Variants in DCHS1 observed in about 807,000 individuals in gnomAD.
DCHS1 encodes dachsous cadherin-related 1.
A neutral mutation model predicts 213.9 loss-of-function variants in DCHS1; 78 were observed. The observed-to-expected ratio is 0.36, with a 90% confidence interval of 0.30 to 0.44. DCHS1 has a LOEUF of 0.44. DCHS1 is among the 20% of genes least tolerant of loss of function. DCHS1 has a pLI of 1.00. For synonymous variants in DCHS1, 1,828 were observed against 1,873.7 expected (o/e 0.98, Z 0.63); for missense variants, 3,946 against 4,395.9 (o/e 0.90, Z 2.89).
At chr11:6,653,385 C>T (rs1242356139) in intron 1 of DCHS1, among the ~76,000 whole-genome samples, 2 of 152,222 alleles carry the variant, frequency 1.3e-5, no homozygotes, top group Non-Finnish European at 2.9e-5. Flanking sequence ...TGTGTTACAA[C>T]ACTCACTCCA....
At position 6,630,206 on chromosome 11, in the gene DCHS1, C is replaced by A. The variant is rs963037578; in HGVS notation, c.4588G>T (p.Val1530Phe). 2 of 1,576,986 alleles carry A rather than the reference C, an allele frequency of 1.3e-6. No homozygotes were observed. The highest frequency in any genetic ancestry group is 1.7e-6 in the Non-Finnish European group (2 of 1,162,814). The change falls in exon 10 of 21, where the codon GTT becomes TTT. Residue 1530 changes from valine to phenylalanine, a missense_variant. Coordinates refer to ENST00000299441, the MANE Select transcript of DCHS1 (RefSeq NM_003737.4). ...ANASRRRAAR[V>F]SARVFVTDEN... Reference sequence around the variant, plus strand: ...TCCGTGACGAAGACGCGCGCTGAAACGCGCGCTGCACGACGGCGGCTGGCG... The same window carrying A: ...TCCGTGACGAAGACGCGCGCTGAAAAGCGCGCTGCACGACGGCGGCTGGCG...
Position 6,647,163 on chromosome 11 carries a change from C to T in DCHS1, c.-120-5430G>A, listed in dbSNP as rs1411111291. ...CTCAGTGAGCAAAGGGGTGAGGATA[C>T]AGGGCCAGGCATAAAAGAAAGAGGA... is the stretch of plus-strand genomic sequence containing the variant. On this transcript the variant is annotated intron_variant, in intron 1 of 20. Coordinates refer to ENST00000299441, the MANE Select transcript of DCHS1 (RefSeq NM_003737.4). 2.6e-5 allele frequency among the ~76,000 whole-genome samples: 4 copies of T among 152,086 alleles called. No individual in the cohort carries two copies. In the East Asian group the frequency reaches 7.7e-4, roughly 29 times the overall value.
Position 6,630,558 on chromosome 11 carries a change from C to G in DCHS1, c.4236G>C (p.Pro1412=). The G allele has an allele frequency of 2.0e-6, 3 of 1,536,456 alleles. No homozygotes were observed. The highest frequency in any genetic ancestry group is 2.6e-6 in the Non-Finnish European group (3 of 1,148,922). The change falls in exon 10 of 21, where the codon CCG becomes CCC. Residue 1412 remains proline, a synonymous_variant. Coordinates refer to ENST00000299441, the MANE Select transcript of DCHS1 (RefSeq NM_003737.4). ...GCAGCAGCCGCGCGCCCGCGCCTCCCGGCCCCTCAGCGCGTACCGTAAGCG... is the reference window on the plus strand; with the variant it reads ...GCAGCAGCCGCGCGCCCGCGCCTCCGGGCCCCTCAGCGCGTACCGTAAGCG... ...WRALTVRAEG[P]GGAGARLLRV... is the part of the protein sequence containing the mutation.
At chr11:6,645,245 G>A (rs1378889236) in intron 1 of DCHS1, among the ~76,000 whole-genome samples, 2 of 152,210 alleles carry the variant, frequency 1.3e-5, no homozygotes, top group Non-Finnish European at 2.9e-5. Context: ...ACAGGTCAGA[G>A]GGATTCAGAA....
chr11:6,633,464 C>T lies in DCHS1; in HGVS notation c.2403G>A (p.Glu801=), dbSNP rs1364722634. Residue 801 remains glutamate, a synonymous_variant, in exon 5 of 21, where the codon GAG becomes GAA. Coordinates refer to ENST00000299441, the MANE Select transcript of DCHS1 (RefSeq NM_003737.4). ...EQLQYVFSVP[E]DVAPGTSVGI... ...CCACACTGGTGCCTGGTGCCACATC[C>T]TCTGGCACAGAAAAAACATACTGTA... 1.9e-6 allele frequency: 3 copies of T among 1,571,940 alleles called. No homozygotes were observed. The highest frequency in any genetic ancestry group is 2.6e-6 in the Non-Finnish European group (3 of 1,157,620).
At chr11:6,644,139 A>T (rs374717011) in intron 1 of DCHS1, among the ~76,000 whole-genome samples, 7 of 152,106 alleles carry the variant, frequency 4.6e-5, no homozygotes, top group African/African-American at 1.7e-4. Context: ...CTCTCACCAA[A>T]CCACTCCTGA....
intron 19 of DCHS1, 54 bp from the exon 20 acceptor site, chr11:6,624,922 C>A: frequency 3.1e-6 from 5 of 1,604,762 alleles, no homozygotes; most frequent in Non-Finnish European, 4.3e-6. Context: ...CCCTGCTGTC[C>A]ATGCAGCCTG....
In DCHS1 at chr11:6,627,129, G is replaced by C; in HGVS notation, c.5910C>G (p.Pro1970=). The part of the protein sequence containing the change: ...FPTSPLRLRL[P]RPGPSFSTPT... Reference sequence around the variant, plus strand: ...GGGTACTGAAGCTGGGGCCTGGGCGGGGCAGACGTAGGCGCAGAGGACTGG... The same window carrying C: ...GGGTACTGAAGCTGGGGCCTGGGCGCGGCAGACGTAGGCGCAGAGGACTGG... Residue 1970 remains proline (P), a synonymous_variant, in exon 14 of 21, where the codon CCC becomes CCG. Coordinates refer to ENST00000299441, the MANE Select transcript of DCHS1 (RefSeq NM_003737.4). This position sits in a 1 kb window ranked among gnomAD's most constrained non-coding sequence, Gnocchi z 5.4. The C allele has an allele frequency of 1.2e-6, 2 of 1,612,848 alleles. No homozygotes were observed. The highest frequency in any genetic ancestry group is 1.7e-6 in the Non-Finnish European group (2 of 1,179,438).
Position 6,654,419 on chromosome 11 carries a change from G to T in DCHS1, c.-121+1144C>A, listed in dbSNP as rs1370126399. Among the ~76,000 whole-genome samples, 3 of 152,194 alleles carry T rather than the reference G, an allele frequency of 2.0e-5. 1 individual carries two copies. The East Asian group carries it at 5.8e-4, about 29-fold the overall frequency. ...TGACAATGTCTCCTGAGAGGTGCTGGTCTACTTGTTTGTTGCTGGTGACAG... is the reference window on the plus strand; with the variant it reads ...TGACAATGTCTCCTGAGAGGTGCTGTTCTACTTGTTTGTTGCTGGTGACAG... On this transcript the variant is annotated intron_variant, in intron 1 of 20. Coordinates refer to ENST00000299441, the MANE Select transcript of DCHS1 (RefSeq NM_003737.4).
rs757747379 is a variant in DCHS1, at chr11:6,626,862, C to G, written c.6177G>C (p.Gln2059His). Residue 2059 changes from glutamine (Q) to histidine (H), a missense_variant, in exon 14 of 21, where the codon CAG becomes CAC. This residue lies in a region of DCHS1 where 3,384 missense variants were observed against 3,780.1 expected (regional missense o/e 0.90). Coordinates refer to ENST00000299441, the MANE Select transcript of DCHS1 (RefSeq NM_003737.4). The surrounding 1 kb of genome is among the most constrained non-coding windows in gnomAD (Gnocchi z 5.2). The stretch of plus-strand genomic sequence containing the variant: ...AGCGGGGTCCACGCTCAGCTTCCCC[C>G]TGCAGTCCAACAATGATCACACCAG... ...SATGVIIVGL[Q>H]GEAERGPRFP... 6.2e-7 allele frequency: 1 copy of G among 1,613,524 alleles called. No individual in the cohort carries two copies. The highest frequency in any genetic ancestry group is 1.7e-5 in the Admixed American group (1 of 60,008).
chr11:6,633,648 C>T lies in DCHS1; in HGVS notation c.2219G>A (p.Gly740Glu). ...PPLFTLDEQS[G>E]LLTVAWPLAR... ...CAAGGGCCAGGCTACTGTCAACAGC[C>T]CTGAGAGGAAGAATAGAAGCAGAGA... The change falls in exon 5 of 21, where the codon GGG becomes GAG. Residue 740 changes from glycine to glutamate, a missense_variant and splice_region_variant. Transcript: ENST00000299441. The T allele has an allele frequency of 6.2e-7, 1 of 1,603,260 alleles. No individual in the cohort carries two copies. The highest frequency in any genetic ancestry group is 1.1e-5 in the South Asian group (1 of 89,924).
chr11:6,633,379 C>A, intron 5 of DCHS1, 33 bp downstream of exon 5: 1 of 1,538,150 alleles, frequency 6.5e-7, no homozygotes, highest in South Asian at 1.2e-5. Flanking sequence ...GTATTTGGGT[C>A]TGACACCAAG....
Position 6,632,327 on chromosome 11 carries a change from C to G in DCHS1, c.3185G>C (p.Arg1062Pro). 1 of 1,613,948 alleles carries G rather than the reference C, an allele frequency of 6.2e-7. No homozygotes were observed. Among genetic ancestry groups the G allele is most frequent in the Admixed American group, 1.7e-5 (1 of 60,020 alleles). The change falls in exon 6 of 21, where the codon CGT (arginine) becomes CCT (proline). Residue 1062 changes from arginine (R) to proline (P), a missense_variant. Transcript: ENST00000299441. This position sits in a 1 kb window ranked among gnomAD's most constrained non-coding sequence, Gnocchi z 5.9. ...CAGTATGTACAATTCCTGGGCCTCA[C>G]GGTCTAGTGCTGCCCGCACCCATAG... ...GWLWVRAALD[R>P]EAQELYILKV...
In DCHS1 at chr11:6,624,798, C is replaced by T; in HGVS notation, c.7217G>A (p.Gly2406Asp). The change falls in exon 20 of 21, where the codon GGT becomes GAT. Residue 2406 changes from glycine to aspartate, a missense_variant. Around this residue, in one of 3 missense-constraint regions of DCHS1, gnomAD observed 3,384 missense variants for 3,780.1 expected, o/e 0.90. Transcript: ENST00000299441. ...LSVSATDRDSGANGHISYHLA... is the reference protein window; with the variant it reads ...LSVSATDRDSDANGHISYHLA... ...GTGGTAGGAAATGTGACCGTTGGCA[C>T]CTGAGTCCCGATCAGTGGCAGAGAC... 1 of 1,613,906 alleles carries T rather than the reference C, an allele frequency of 6.2e-7. No homozygotes were observed. The highest frequency in any genetic ancestry group is 1.1e-5 in the South Asian group (1 of 91,074).
In DCHS1 at chr11:6,632,300, T is replaced by C. The variant is rs1564865188; in HGVS notation, c.3212A>G (p.Lys1071Arg). The change falls in exon 6 of 21, where the codon AAG (lysine) becomes AGG (arginine). Residue 1071 changes from lysine to arginine, a missense_variant. Coordinates refer to ENST00000299441, the MANE Select transcript of DCHS1 (RefSeq NM_003737.4). The surrounding 1 kb of genome is among the most constrained non-coding windows in gnomAD (Gnocchi z 5.9). Reference protein sequence around the residue: ...DREAQELYILKVMAVSGSKAE... With the variant: ...DREAQELYILRVMAVSGSKAE... ...TTTGGACCCAGACACTGCCATTACC[T>C]TCAGTATGTACAATTCCTGGGCCTC... 6.2e-7 allele frequency: 1 copy of C among 1,613,926 alleles called. No individual in the cohort carries two copies. Among genetic ancestry groups the C allele is most frequent in the Middle Eastern group, 1.7e-4 (1 of 6,058 alleles).
In DCHS1 at chr11:6,625,097, G is replaced by T; in HGVS notation, c.7146+101C>A. On this transcript the variant is annotated intron_variant, in intron 19 of 20. Transcript: ENST00000299441. The surrounding 1 kb of genome is among the most constrained non-coding windows in gnomAD (Gnocchi z 5.3). ...TTGGGACCTTCCCATTCCCAGATCA[G>T]CTCCAACGTCCAGCCCACCTCAGCA... The T allele has an allele frequency of 6.7e-7, 1 of 1,483,894 alleles. No homozygotes were observed. The allele number at this position is 1,483,894 out of a possible 1,614,324, so 91.9% of individuals were successfully genotyped here.
In DCHS1 at chr11:6,622,046, G is replaced by A. The variant is rs1434621159; in HGVS notation, c.9630C>T (p.His3210=). The part of the protein sequence containing the change: ...DPPPLITAVA[H]PGAKSVPPKP... ...TGGGGGGCACAGACTTGGCTCCTGGGTGGGCCACGGCAGTGATGAGGGGTG... is the reference window on the plus strand; with the variant it reads ...TGGGGGGCACAGACTTGGCTCCTGGATGGGCCACGGCAGTGATGAGGGGTG... Residue 3210 remains histidine (H), a synonymous_variant, in exon 21 of 21, where the codon CAC becomes CAT. Coordinates refer to ENST00000299441, the MANE Select transcript of DCHS1 (RefSeq NM_003737.4). This position sits in a 1 kb window ranked among gnomAD's most constrained non-coding sequence, Gnocchi z 5.4. 5.6e-6 allele frequency: 9 copies of A among 1,612,590 alleles called. No individual in the cohort carries two copies. In the African/African-American group the frequency reaches 9.4e-5, roughly 17 times the overall value.
At position 6,632,392 on chromosome 11, in the gene DCHS1, T is replaced by C. The variant is rs1855924482; in HGVS notation, c.3120A>G (p.Gly1040=). 1.9e-6 allele frequency: 3 copies of C among 1,613,850 alleles called. No homozygotes were observed. The highest frequency in any genetic ancestry group is 2.5e-6 in the Non-Finnish European group (3 of 1,179,796). ...GCTCCAGGCCAAAGGGGCTACTTGC[T>C]CCCTCTGCTGCAAGGTGATAGGTGA... is the stretch of plus-strand genomic sequence containing the variant. ...GPITYHLAAE[G]ASSPFGLEPQ... Residue 1040 remains glycine (G), a synonymous_variant, in exon 6 of 21, where the codon GGA becomes GGG. Transcript: ENST00000299441. The surrounding 1 kb of genome is among the most constrained non-coding windows in gnomAD (Gnocchi z 5.9).
intron 7 of DCHS1, 98 bp from the exon 8 acceptor site, chr11:6,631,505 G>A (rs556527197): frequency 5.4e-5 from 86 of 1,588,760 alleles, no homozygotes; most frequent in Non-Finnish European, 8.6e-6. Context: ...ACCTCTTTTC[G>A]GCTCTCACAC....
Sources: allele counts gnomAD v4.1 joint callset (sites outside exome capture counted in the v4.1 genomes callset), GRCh38; gene constraint gnomAD v4.1.1; regional missense constraint gnomAD v4.1.1; non-coding constraint Gnocchi (gnomAD v3.1); transcripts MANE v1.5; gene names NCBI Gene and HGNC (gene_info 2026-07-23, HGNC 2026-07-21).